Variants in INPP5A observed in about 807,000 individuals in gnomAD.
INPP5A encodes the protein 43 kDa inositol polyphosphate 5-phophatase.
A neutral mutation model predicts 65.2 loss-of-function variants in INPP5A; 14 were observed. The observed-to-expected ratio is 0.21, with a 90% CI of 0.14 to 0.34. INPP5A has a LOEUF of 0.34. INPP5A is among the 10% of genes least tolerant of loss of function. The pLI, the probability that INPP5A is intolerant of heterozygous loss-of-function variation, is 1.00. For missense variants in INPP5A, 431 were observed against 545.6 expected (o/e 0.79, Z 2.09); for synonymous variants, 207 against 208.3 (o/e 0.99, Z 0.05).
Position 132,537,813 on chromosome 10 carries a change from G to A in INPP5A, c.-284G>A, listed in dbSNP as rs1168062105. 3 of 369,822 alleles carry A rather than the reference G, an allele frequency of 8.1e-6. No individual in the cohort carries two copies. Among genetic ancestry groups the A allele is most frequent in the African/African-American group, 6.4e-5 (3 of 47,212 alleles). 22.9% of individuals were successfully genotyped at this position (369,822 alleles called of 1,614,324 possible). On this transcript the variant is annotated 5_prime_UTR_variant, in exon 1 of 16. Coordinates refer to ENST00000368594, the MANE Select transcript of INPP5A (RefSeq NM_005539.5). ...CTTGCCCTCAGCCTGAGTCGGCGGCGGCTGCGGGAACTTTCCCAGCGGATC... is the reference window on the plus strand; with the variant it reads ...CTTGCCCTCAGCCTGAGTCGGCGGCAGCTGCGGGAACTTTCCCAGCGGATC...
At chr10:132,758,588 C>T (rs147321675) in intron 11 of INPP5A, among the ~76,000 whole-genome samples, 460 of 152,142 alleles carry the variant, frequency 3.0e-3, no homozygotes, top group Non-Finnish European at 4.9e-3. Context: ...GGGTCCCCAG[C>T]TGACCCCATG....
intron 4 of INPP5A, among the ~76,000 whole-genome samples, chr10:132,653,099 G>A (rs1214579995): frequency 2.6e-5 from 4 of 152,230 alleles, no homozygotes; most frequent in Admixed American, 2.6e-4. Context: ...CCGCGTGCTG[G>A]GCCCTGGCCA....
intron 11 of INPP5A, among the ~76,000 whole-genome samples, chr10:132,764,184 G>A (rs918061914): frequency 1.3e-5 from 2 of 152,282 alleles, no homozygotes; most frequent in Non-Finnish European, 2.9e-5. Context: ...GGTAATGACT[G>A]TGTGCATGAG....
At chr10:132,556,574 A>G (rs1248399181) in intron 1 of INPP5A, among the ~76,000 whole-genome samples, 2 of 152,186 alleles carry the variant, frequency 1.3e-5, no homozygotes, top group African/African-American at 4.8e-5. Context: ...ACATACATGC[A>G]TACCACATAG....
At position 132,745,448 on chromosome 10, in the gene INPP5A, CT is replaced by C. The variant is rs377534097; in HGVS notation, c.733-4065del. On this transcript the variant is annotated intron_variant, in intron 9 of 15. Coordinates refer to ENST00000368594, the MANE Select transcript of INPP5A (RefSeq NM_005539.5). ...ATCTCCCAGCCTTCGAGCCTGATTGCTTTTCCAGTGCCTGAGCTGCACCCCT... is the reference window on the plus strand; with the variant it reads ...ATCTCCCAGCCTTCGAGCCTGATTGCTTTCCAGTGCCTGAGCTGCACCCCT... 2.1e-3 allele frequency among the ~76,000 whole-genome samples: 322 copies of C among 151,618 alleles called. 1 individual carries two copies. The highest frequency in any genetic ancestry group is 7.1e-3 in the African/African-American group (293 of 41,506).
At position 132,603,959 on chromosome 10, in the gene INPP5A, T is replaced by C. The variant is rs1173303434; in HGVS notation, c.76-3956T>C. 1.4e-5 allele frequency among the ~76,000 whole-genome samples: 2 copies of C among 147,820 alleles called. No individual in the cohort carries two copies. Among genetic ancestry groups the C allele is most frequent in the African/African-American group, 5.1e-5 (2 of 39,510 alleles). ...CTGCGCCGTCAAGGTCCCCTCTCCG[T>C]CCCGCCCTGCGCCGTCAGGGTCCCC... On this transcript the variant is annotated intron_variant, in intron 1 of 15. Transcript: ENST00000368594. This position sits in a 1 kb window ranked among gnomAD's most constrained non-coding sequence, Gnocchi z 4.2.
At chr10:132,574,452 T>TG (rs1488175216) in intron 1 of INPP5A, among the ~76,000 whole-genome samples, 4 of 149,768 alleles carry the variant, frequency 2.7e-5, no homozygotes, top group African/African-American at 9.9e-5. Flanking sequence ...GAGGTTTTGT[T>TG]GCGATGTTGG....
At position 132,637,750 on chromosome 10, in the gene INPP5A, G is replaced by A. The variant is rs986808618; in HGVS notation, c.118-8118G>A. On this transcript the variant is annotated intron_variant, in intron 2 of 15. Coordinates refer to ENST00000368594, the MANE Select transcript of INPP5A (RefSeq NM_005539.5). The surrounding 1 kb of genome is among the most constrained non-coding windows in gnomAD (Gnocchi z 4.1). ...TCCCAGTGGTCCATTCTGTGTTTTA[G>A]TTTCGCATCTCTGATGTGAGGTGGT... Among the ~76,000 whole-genome samples the A allele has an allele frequency of 6.6e-6, 1 of 152,142 alleles. No homozygotes were observed. Among genetic ancestry groups the A allele is most frequent in the Non-Finnish European group, 1.5e-5 (1 of 68,038 alleles).
intron 2 of INPP5A, among the ~76,000 whole-genome samples, chr10:132,613,220 G>A (rs571170175): frequency 6.6e-6 from 1 of 152,260 alleles, no homozygotes; most frequent in East Asian, 1.9e-4. Context: ...GGTTCCTCCT[G>A]TGACCTGCAG....
intron 8 of INPP5A, among the ~76,000 whole-genome samples, chr10:132,718,590 C>G (rs1029032471): frequency 1.4e-5 from 2 of 148,022 alleles, no homozygotes; most frequent in African/African-American, 5.0e-5. Flanking sequence ...TGGGTTCTGT[C>G]TAGGCACCTT....
At chr10:132,548,645 CTG>C (rs1045842820) in intron 1 of INPP5A, among the ~76,000 whole-genome samples, 6 of 152,208 alleles carry the variant, frequency 3.9e-5, no homozygotes, top group Non-Finnish European at 5.9e-5. Context: ...CAACTGCTTT[CTG>C]TCCCGCCAGT....
At chr10:132,764,381 G>A (rs561537873) in intron 11 of INPP5A, among the ~76,000 whole-genome samples, 4 of 152,228 alleles carry the variant, frequency 2.6e-5, no homozygotes, top group African/African-American at 9.6e-5. Context: ...GTCCTGCAGG[G>A]TTGAGAGGGT....
intron 5 of INPP5A, among the ~76,000 whole-genome samples, chr10:132,691,802 T>C (rs945665660): frequency 1.4e-5 from 2 of 147,480 alleles, no homozygotes; most frequent in Non-Finnish European, 3.0e-5. Context: ...CGTGTGGACA[T>C]GGGAGACGTG....
In INPP5A at chr10:132,727,149, T is replaced by C; in HGVS notation, c.732+244T>C. ...TGGCGGGTGACAGTGCTGTGGGGCT[T>C]TGCCCTGTGGCTTCCGCCGTCGGCA... On this transcript the variant is annotated intron_variant, in intron 9 of 15. Transcript: ENST00000368594. The surrounding 1 kb of genome is among the most constrained non-coding windows in gnomAD (Gnocchi z 6.5). 2 of 376,222 alleles carry C rather than the reference T, an allele frequency of 5.3e-6. No individual in the cohort carries two copies. The highest frequency in any genetic ancestry group is 1.1e-4 in the South Asian group (2 of 17,616). 23.3% of individuals were successfully genotyped at this position (376,222 alleles called of 1,614,324 possible).
chr10:132,667,978 C>T (rs1447662545), intron 4 of INPP5A, among the ~76,000 whole-genome samples: 4 of 152,176 alleles, frequency 2.6e-5, no homozygotes, highest in Non-Finnish European at 5.9e-5. Context: ...CAGCAAATTC[C>T]GGAGCTTTGA....
intron 12 of INPP5A, among the ~76,000 whole-genome samples, chr10:132,771,711 C>G (rs398088925): frequency 0.06 from 2,724 of 45,600 alleles, 17 homozygotes; most frequent in Middle Eastern, 0.11. Context: ...GCAGCCACCC[C>G]ATGAAGAGTG....
chr10:132,556,170 G>A (rs2071122637), intron 1 of INPP5A, among the ~76,000 whole-genome samples: 1 of 152,134 alleles, frequency 6.6e-6, no homozygotes, highest in African/African-American at 2.4e-5. Flanking sequence ...TTGATGGCAC[G>A]CTCCGGGGGC....
chr10:132,679,132 G>A (rs559889445), intron 4 of INPP5A, among the ~76,000 whole-genome samples: 71 of 152,298 alleles, frequency 4.7e-4, no homozygotes, highest in Admixed American at 1.0e-3. Flanking sequence ...TGGAGGAGGC[G>A]GGGGCCCCAC....
chr10:132,596,730 CAT>C (rs1220325519), intron 1 of INPP5A, among the ~76,000 whole-genome samples: 15 of 152,176 alleles, frequency 9.9e-5, no homozygotes, highest in Non-Finnish European at 7.3e-5. Context: ...ACGCCCGGCC[CAT>C]GTGTGTGTGC....
Sources: allele counts gnomAD v4.1 joint callset (sites outside exome capture counted in the v4.1 genomes callset), GRCh38; gene constraint gnomAD v4.1.1; non-coding constraint Gnocchi (gnomAD v3.1); transcripts MANE v1.5; gene names NCBI Gene and HGNC (gene_info 2026-07-23, HGNC 2026-07-21).